Variants in CBARP observed in about 807,000 individuals in gnomAD.
CBARP encodes the protein voltage-dependent calcium channel beta subunit-associated regulatory protein.
CBARP carries 24 observed loss-of-function variants against 36.3 expected under a neutral mutation model. The observed-to-expected ratio is 0.66, with a 90% CI of 0.48 to 0.93. CBARP has a LOEUF of 0.93. Ranked by LOEUF, CBARP falls within the 40% of genes least tolerant of loss-of-function variation. The pLI is 0.00. For synonymous variants in CBARP, 586 were observed against 453.2 expected, an observed-to-expected ratio of 1.29 and a Z score of -3.72; for missense variants, 1,146 against 980.4, an observed-to-expected ratio of 1.17 and a Z score of -2.26.
chr19:1,233,273 A>C (rs1483896887), intron 8 of CBARP, among the ~76,000 whole-genome samples, 153 bp downstream of exon 8: 4 of 152,212 alleles, frequency 2.6e-5, no homozygotes, highest in Non-Finnish European at 5.9e-5. Flanking sequence ...AACCTCAGGC[A>C]GCACGCCCGC....
At chr19:1,236,289 G>A (rs1362463282) in intron 1 of CBARP, among the ~76,000 whole-genome samples, 168 bp from the exon 2 acceptor site, 3 of 152,202 alleles carry the variant, frequency 2.0e-5, no homozygotes, top group Non-Finnish European at 4.4e-5. Context: ...GCTCTGCCCA[G>A]CGGGCCCCGG....
chr19:1,230,642 A>G (rs1455363342), intron 9 of CBARP: 1 of 1,264,304 alleles, frequency 7.9e-7, no homozygotes, highest in Non-Finnish European at 9.9e-7. Context: ...CCCACGCCCC[A>G]TTCCCATCCC....
intron 5 of CBARP, 55 bp downstream of exon 5, chr19:1,234,946 G>C: frequency 6.4e-7 from 1 of 1,561,302 alleles, no homozygotes; most frequent in Non-Finnish European, 8.7e-7. Flanking sequence ...CCCCCGTCCC[G>C]GCGGCCAGGA....
intron 1 of CBARP, among the ~76,000 whole-genome samples, chr19:1,237,371 G>A (rs1386918563): frequency 6.6e-6 from 1 of 152,150 alleles, no homozygotes; most frequent in Non-Finnish European, 1.5e-5. Context: ...CGGGGAAGAT[G>A]GCAGGAGGCC....
In CBARP at chr19:1,229,246, T is replaced by G. The variant is rs1483613613; in HGVS notation, c.2051A>C (p.Glu684Ala). ...DERLFPPRLA[E>A]PVVATPALVA... ...CAACGCGGGAGTCGCCACGACGGGC[T>G]CGGCGAGGCGCGGCGGAAAGAGTCT... Residue 684 changes from glutamate to alanine, a missense_variant, in exon 10 of 10, where the codon GAG (glutamate) becomes GCG (alanine). By Grantham distance (107) the Glu-to-Ala change is moderately radical (BLOSUM62 -1). Transcript: ENST00000650044. The surrounding 1 kb of genome is among the most constrained non-coding windows in gnomAD (Gnocchi z 5.1). The G allele has an allele frequency of 8.1e-7, 1 of 1,239,648 alleles. No individual in the cohort carries two copies. Among genetic ancestry groups the G allele is most frequent in the East Asian group, 8.2e-5 (1 of 12,130 alleles). The allele number at this position is 1,239,648 out of a possible 1,614,324, so 76.8% of individuals were successfully genotyped here.
Position 1,235,935 on chromosome 19 carries a change from G to T in CBARP, c.106-17C>A, listed in dbSNP as rs750125199. 3 of 1,603,988 alleles carry T rather than the reference G, an allele frequency of 1.9e-6. No homozygotes were observed. The highest frequency in any genetic ancestry group is 1.7e-6 in the Non-Finnish European group (2 of 1,174,808). ...TGGCTCTGCCTGCGGGTGTGCAGGG[G>T]GGGTCAGGTGCTGCTGGCCTGGACG... On this transcript the variant is annotated splice_polypyrimidine_tract_variant and intron_variant, in intron 2 of 9. Transcript: ENST00000650044.
chr19:1,233,339 C>G lies in CBARP; in HGVS notation c.979+87G>C, dbSNP rs1048371213. Reference sequence around the variant, plus strand: ...CACCGGCTCCCCACCCAGCCCACAACCTCCTGCTCCTGGATGTCCAGGGCA... The same window carrying G: ...CACCGGCTCCCCACCCAGCCCACAAGCTCCTGCTCCTGGATGTCCAGGGCA... On this transcript the variant is annotated intron_variant, in intron 8 of 9. Transcript: ENST00000650044. 8 of 1,339,536 alleles carry G rather than the reference C, an allele frequency of 6.0e-6. No individual in the cohort carries two copies. The African/African-American group carries it at 1.2e-4, about 20-fold the overall frequency. The allele number at this position is 1,339,536 out of a possible 1,614,324, so 83.0% of individuals were successfully genotyped here. A position where few individuals can be genotyped will look rare whatever the true frequency, so the allele number is the denominator to read the frequency against.
At chr19:1,233,171 C>T (rs892592041) in intron 8 of CBARP, among the ~76,000 whole-genome samples, 5 of 152,216 alleles carry the variant, frequency 3.3e-5, no homozygotes, top group Non-Finnish European at 7.3e-5. Flanking sequence ...CGAGAGCAGT[C>T]GGGGCGCGCA....
chr19:1,231,291 G>A lies in CBARP; in HGVS notation c.980-16C>T. 1 of 1,595,706 alleles carries A rather than the reference G, an allele frequency of 6.3e-7. No individual in the cohort carries two copies. Among genetic ancestry groups the A allele is most frequent in the Non-Finnish European group, 8.5e-7 (1 of 1,177,262 alleles). On this transcript the variant is annotated splice_polypyrimidine_tract_variant and intron_variant, in intron 8 of 9. Coordinates refer to ENST00000650044, the MANE Select transcript of CBARP (RefSeq NM_001393918.1). Reference sequence around the variant, plus strand: ...TTGGGGGAACCTGCGCACGGGATGTGCCGTAAGCGTCAGCCGGCATGTGCC... The same window carrying A: ...TTGGGGGAACCTGCGCACGGGATGTACCGTAAGCGTCAGCCGGCATGTGCC...
rs772563253 is a variant in CBARP at position 1,235,019 on chromosome 19, G to A, written c.437C>T (p.Thr146Met). 7.5e-6 allele frequency: 12 copies of A among 1,609,404 alleles called. No homozygotes were observed. The highest frequency in any genetic ancestry group is 6.7e-5 in the East Asian group (3 of 44,790). Reference sequence around the variant, plus strand: ...CGCTTACCGGCGACCCTTGTCCTGCGTCTTGCGGCTCTGCTCAAACAGCGC... The same window carrying A: ...CGCTTACCGGCGACCCTTGTCCTGCATCTTGCGGCTCTGCTCAAACAGCGC... ...EAALFEQSRK[T>M]QDKGRRYTLT... The change falls in exon 5 of 10, where the codon ACG becomes ATG. Residue 146 changes from threonine (T) to methionine (M), a missense_variant. Coordinates refer to ENST00000650044, the MANE Select transcript of CBARP (RefSeq NM_001393918.1).
intron 6 of CBARP, 59 bp downstream of exon 6, chr19:1,234,512 G>A: frequency 4.0e-6 from 6 of 1,518,358 alleles, no homozygotes; most frequent in Non-Finnish European, 5.3e-6. Context: ...GGGGGTCCGG[G>A]AGTCCCCGGG....
At chr19:1,234,936 C>T (rs2080944793) in intron 5 of CBARP, 65 bp downstream of exon 5, 7 of 1,549,054 alleles carry the variant, frequency 4.5e-6, no homozygotes, top group Non-Finnish European at 6.1e-6. Flanking sequence ...CCCAGCTCCT[C>T]CCCCGTCCCG....
chr19:1,232,028 G>A (rs2080901179), intron 8 of CBARP, among the ~76,000 whole-genome samples: 1 of 152,084 alleles, frequency 6.6e-6, no homozygotes, highest in Non-Finnish European at 1.5e-5. Flanking sequence ...CCAACGAGGA[G>A]AGGGAGAGAG....
intron 7 of CBARP, 94 bp downstream of exon 7, chr19:1,234,097 G>A: frequency 2.9e-6 from 4 of 1,359,880 alleles, no homozygotes; most frequent in South Asian, 3.6e-5. Flanking sequence ...GTGGCTGGCA[G>A]GTCATAGGTT....
At chr19:1,234,496 G>C (rs547964674) in intron 6 of CBARP, 75 bp downstream of exon 6, 1 of 1,481,180 alleles carries the variant, frequency 6.8e-7, no homozygotes, top group Admixed American at 2.3e-5. Flanking sequence ...GAGTGGGTGA[G>C]GGCGTGGGGG....
Position 1,230,079 on chromosome 19 carries a change from G to A in CBARP, c.1218C>T (p.Gly406=), listed in dbSNP as rs976574975. 1.8e-6 allele frequency: 2 copies of A among 1,114,024 alleles called. No homozygotes were observed. The highest frequency in any genetic ancestry group is 1.9e-5 in the South Asian group (1 of 54,014). The allele number at this position is 1,114,024 out of a possible 1,614,324, so 69.0% of individuals were successfully genotyped here. A position where few individuals can be genotyped will look rare whatever the true frequency, so the allele number is the denominator to read the frequency against. Residue 406 remains glycine, a synonymous_variant, in exon 10 of 10, where the codon GGC becomes GGT. Coordinates refer to ENST00000650044, the MANE Select transcript of CBARP (RefSeq NM_001393918.1). ...GCTGCTGCTGCTCAGGCCCCGCGCT[G>A]CCCGCGCCGCGCTCCGGGGGGGAAT... is the stretch of plus-strand genomic sequence containing the variant. ...SPDSPPERGA[G]SAGPEQQQPP...
chr19:1,231,866 G>A (rs2080898806), intron 8 of CBARP, among the ~76,000 whole-genome samples: 1 of 152,078 alleles, frequency 6.6e-6, no homozygotes, highest in Non-Finnish European at 1.5e-5. Flanking sequence ...GGAAGCGAGT[G>A]AGTGGAAGGG....
chr19:1,232,367 C>T (rs1225211003), intron 8 of CBARP, among the ~76,000 whole-genome samples: 1 of 152,122 alleles, frequency 6.6e-6, no homozygotes, highest in Non-Finnish European at 1.5e-5. Flanking sequence ...ACAGGGTCTC[C>T]CACTGTCTGA....
At chr19:1,231,065 G>A (rs1170064647) in intron 9 of CBARP, 36 bp downstream of exon 9, 5 of 1,580,534 alleles carry the variant, frequency 3.2e-6, no homozygotes, top group South Asian at 1.1e-5. Flanking sequence ...AGGGCCCACA[G>A]GTCCACCCCT....
Sources: gnomAD v4.1 joint callset for allele counts (sites outside exome capture counted in the v4.1 genomes callset) on GRCh38, gnomAD v4.1.1 for gene constraint, Gnocchi (gnomAD v3.1) non-coding constraint, MANE v1.5 for transcripts, NCBI Gene and HGNC (gene_info 2026-07-23, HGNC 2026-07-21) for gene names.